RASGRF2: variants seen among roughly 807,000 people sequenced by gnomAD.
RASGRF2 encodes the protein Ras protein specific guanine nucleotide releasing factor 2, also known as ras-specific guanine nucleotide-releasing factor 2.
A neutral mutation model predicts 151.0 loss-of-function variants in RASGRF2; 76 were observed. The observed-to-expected ratio is 0.50, with a 90% CI of 0.42 to 0.61. The LOEUF (loss-of-function observed/expected upper bound fraction) is 0.61. RASGRF2 is among the 20% of genes least tolerant of loss of function. The probability of loss-of-function intolerance (pLI) is 0.00; values close to 1 mark genes in which losing one functional copy is unlikely to be tolerated. For synonymous variants in RASGRF2, 504 were observed against 566.5 expected (o/e 0.89, Z 1.57); for missense variants, 1,148 against 1,564.6 (o/e 0.73, Z 4.49).
intron 18 of RASGRF2, among the ~76,000 whole-genome samples, chr5:81,182,073 G>A (rs1388588528): frequency 2.0e-5 from 3 of 152,084 alleles, no homozygotes; most frequent in Admixed American, 6.6e-5. Flanking sequence ...TTGTTTAGAC[G>A]GTTCAGCTGC....
intron 17 of RASGRF2, among the ~76,000 whole-genome samples, chr5:81,128,378 G>A (rs1024793257): frequency 3.3e-5 from 5 of 152,044 alleles, no homozygotes; most frequent in Non-Finnish European, 7.4e-5. Context: ...ACATCACATT[G>A]TACCCTGTAG....
At position 81,113,887 on chromosome 5, in the gene RASGRF2, C is replaced by A. The variant is rs1266662610; in HGVS notation, c.2437C>A (p.Leu813Met). The A allele has an allele frequency of 6.2e-7, 1 of 1,614,040 alleles. No homozygotes were observed. Among genetic ancestry groups the A allele is most frequent in the Non-Finnish European group, 8.5e-7 (1 of 1,180,006 alleles). Residue 813 changes from leucine to methionine, a missense_variant, in exon 15 of 27, where the codon CTG (leucine) becomes ATG (methionine). Physicochemically the swap from Leu to Met is conservative, Grantham distance 15 (BLOSUM62 2). Coordinates refer to ENST00000265080, the MANE Select transcript of RASGRF2 (RefSeq NM_006909.3). ...EENVDNPRVD[L>M]CNKLKRSIQK... ...GAATGTCGATAACCCACGCGTGGAT[C>A]TGTGTAACAAGCTAAAACGAAGTAT... is the stretch of plus-strand genomic sequence containing the variant.
At chr5:81,150,172 G>T (rs865922275) in intron 17 of RASGRF2, among the ~76,000 whole-genome samples, 7 of 152,214 alleles carry the variant, frequency 4.6e-5, no homozygotes, top group Non-Finnish European at 8.8e-5. Flanking sequence ...ATGAGGGCAC[G>T]TAAGAATGGC....
chr5:81,066,659 C>T (rs1246118631), intron 2 of RASGRF2, among the ~76,000 whole-genome samples: 3 of 152,226 alleles, frequency 2.0e-5, no homozygotes, highest in African/African-American at 7.2e-5. Context: ...TCTCTCCCGT[C>T]GGACTCACTT....
intron 25 of RASGRF2, among the ~76,000 whole-genome samples, chr5:81,217,899 C>G (rs1025595211): frequency 6.6e-6 from 1 of 152,010 alleles, no homozygotes; most frequent in African/African-American, 2.4e-5. Flanking sequence ...CCTGCCACCA[C>G]GCCTGGCTAA....
rs1755555716 is a variant in RASGRF2, at chr5:81,208,351, C to A, written c.3072-3C>A. The A allele has an allele frequency of 1.9e-6, 3 of 1,613,186 alleles. No homozygotes were observed. Among genetic ancestry groups the A allele is most frequent in the Non-Finnish European group, 1.7e-6 (2 of 1,179,470 alleles). On this transcript the variant is annotated splice_polypyrimidine_tract_variant and splice_region_variant and intron_variant, in intron 21 of 26. Coordinates refer to ENST00000265080, the MANE Select transcript of RASGRF2 (RefSeq NM_006909.3). Reference sequence around the variant, plus strand: ...GGTTTTGTGTTTTGTTTTGAACTTCCAGGGAGTTTCTTGGGCAGGGGTGGA... The same window carrying A: ...GGTTTTGTGTTTTGTTTTGAACTTCAAGGGAGTTTCTTGGGCAGGGGTGGA...
intron 1 of RASGRF2, among the ~76,000 whole-genome samples, chr5:80,974,675 CT>C (rs11350028): frequency 0.38 from 58,307 of 152,010 alleles, 11,912 homozygotes; most frequent in East Asian, 0.78. Flanking sequence ...CCCTTCCCAC[CT>C]TGTGAGTTCT....
intron 1 of RASGRF2, among the ~76,000 whole-genome samples, chr5:81,039,414 A>G (rs758142923): frequency 2.6e-5 from 4 of 152,166 alleles, no homozygotes; most frequent in African/African-American, 4.8e-5. Context: ...AAAGAGGGCC[A>G]CTATATCAAT....
At chr5:81,055,347 AT>A (rs1245612432) in intron 2 of RASGRF2, among the ~76,000 whole-genome samples, 94 of 152,228 alleles carry the variant, frequency 6.2e-4, no homozygotes, top group African/African-American at 2.1e-3. Context: ...GGGCTGTTGA[AT>A]TTTGTCAAAG....
At chr5:81,152,302 G>A (rs958753564) in intron 17 of RASGRF2, among the ~76,000 whole-genome samples, 27 of 152,098 alleles carry the variant, frequency 1.8e-4, no homozygotes, top group African/African-American at 5.1e-4. Context: ...GCACCTGGCC[G>A]AGATATTTTT....
chr5:80,983,873 T>C (rs1232905961), intron 1 of RASGRF2, among the ~76,000 whole-genome samples: 1 of 152,226 alleles, frequency 6.6e-6, no homozygotes, highest in African/African-American at 2.4e-5. Flanking sequence ...TAATTTTACT[T>C]ATTTCTCTTT....
At chr5:81,148,593 C>T (rs1233946799) in intron 17 of RASGRF2, among the ~76,000 whole-genome samples, 1 of 150,966 alleles carries the variant, frequency 6.6e-6, no homozygotes, top group African/African-American at 2.4e-5. Context: ...GAAGAAACAC[C>T]TGAACGCACC....
At chr5:81,085,392 C>A (rs1752198512) in intron 7 of RASGRF2, among the ~76,000 whole-genome samples, 1 of 152,168 alleles carries the variant, frequency 6.6e-6, no homozygotes, top group South Asian at 2.1e-4. Context: ...GAGAATAGTG[C>A]AGTGGGATTG....
intron 3 of RASGRF2, 102 bp from the exon 4 acceptor site, chr5:81,070,390 C>T: frequency 4.3e-6 from 4 of 927,580 alleles, no homozygotes; most frequent in South Asian, 2.8e-5. Context: ...TGGGTGTTTC[C>T]TGAGGATCTC....
chr5:81,031,736 A>G (rs973721666), intron 1 of RASGRF2, among the ~76,000 whole-genome samples: 9 of 152,228 alleles, frequency 5.9e-5, no homozygotes, highest in African/African-American at 1.7e-4. Context: ...CACAATTAAA[A>G]GAACTAGAGA....
chr5:81,169,032 G>C (rs1412223697), intron 17 of RASGRF2, among the ~76,000 whole-genome samples: 1 of 152,196 alleles, frequency 6.6e-6, no homozygotes, highest in African/African-American at 2.4e-5. Context: ...CTGTACCTAT[G>C]TGAGCCCATC....
intron 17 of RASGRF2, among the ~76,000 whole-genome samples, chr5:81,129,666 T>C (rs986255903): frequency 6.6e-6 from 1 of 152,202 alleles, no homozygotes; most frequent in Non-Finnish European, 1.5e-5. Context: ...CTTCTATGAT[T>C]GATTACCTTC....
At chr5:81,182,037 G>T (rs1020582526) in intron 18 of RASGRF2, among the ~76,000 whole-genome samples, 1 of 152,170 alleles carries the variant, frequency 6.6e-6, no homozygotes, top group African/African-American at 2.4e-5. Context: ...TTACAGTAAG[G>T]TTTGCCACCT....
chr5:81,090,225 C>T (rs1752351044), intron 9 of RASGRF2, among the ~76,000 whole-genome samples: 1 of 152,154 alleles, frequency 6.6e-6, no homozygotes, highest in South Asian at 2.1e-4. Flanking sequence ...AATGGTTCTT[C>T]ATTCTTTTTC....
Sources: gnomAD v4.1 joint callset for allele counts (sites outside exome capture counted in the v4.1 genomes callset) on GRCh38, gnomAD v4.1.1 for gene constraint, MANE v1.5 for transcripts, NCBI Gene and HGNC (gene_info 2026-07-23, HGNC 2026-07-21) for gene names.